The following EXT1 variants were observed in gnomAD, a reference collection of about 807,000 sequenced individuals.
EXT1 encodes the protein exostosin-1.
A neutral mutation model predicts 82.5 loss-of-function variants in EXT1; 20 were observed. That is an observed-to-expected ratio of 0.24 (90% confidence interval 0.17 to 0.35). The LOEUF is 0.35. Ranked by LOEUF, EXT1 falls within the 10% of genes least tolerant of loss-of-function variation. The pLI is 1.00. For missense variants in EXT1, 757 were observed against 936.5 expected, an observed-to-expected ratio of 0.81 and a Z score of 2.50; for synonymous variants, 348 against 350.8, an observed-to-expected ratio of 0.99 and a Z score of 0.09.
intron 1 of EXT1, among the ~76,000 whole-genome samples, chr8:117,978,803 A>G (rs76509193): frequency 0.051 from 7,695 of 152,318 alleles, 414 homozygotes; most frequent in African/African-American, 0.14. Flanking sequence ...TCCAGAAATA[A>G]AGTTAACAAC....
chr8:117,882,980 G>GAAAAAAAAAAAAAA (rs1320976687), intron 1 of EXT1, among the ~76,000 whole-genome samples: 1 of 65,854 alleles, frequency 1.5e-5, no homozygotes, highest in Non-Finnish European at 3.5e-5. Context: ...CTGTCTCAAA[G>GAAAAAAAAAAAAAA]AAAAAAAAAA....
chr8:117,809,496 G>C (rs1457742563), intron 8 of EXT1, among the ~76,000 whole-genome samples: 1 of 151,638 alleles, frequency 6.6e-6, no homozygotes, highest in Non-Finnish European at 1.5e-5. Context: ...AATTGGCTGG[G>C]CGTGGTGTTG....
intron 1 of EXT1, among the ~76,000 whole-genome samples, chr8:117,989,014 C>T (rs147847868): frequency 2.1e-5 from 3 of 146,020 alleles, no homozygotes; most frequent in African/African-American, 7.7e-5. Flanking sequence ...ATCAATGGGG[C>T]CAGGAGTTTG....
intron 1 of EXT1, among the ~76,000 whole-genome samples, chr8:118,082,007 T>C (rs1817342091): frequency 6.6e-6 from 1 of 152,182 alleles, no homozygotes; most frequent in Non-Finnish European, 1.5e-5. Context: ...GGGGAGTTCT[T>C]GTAAAAGAGG....
chr8:118,065,597 G>A (rs189496121), intron 1 of EXT1, among the ~76,000 whole-genome samples: 3 of 152,254 alleles, frequency 2.0e-5, no homozygotes, highest in African/African-American at 4.8e-5. Context: ...TAAGAATCTG[G>A]TATGTGTTGT....
intron 1 of EXT1, among the ~76,000 whole-genome samples, chr8:117,975,267 T>C (rs987538859): frequency 6.6e-6 from 1 of 152,184 alleles, no homozygotes; most frequent in Non-Finnish European, 1.5e-5. Context: ...AGCTATAAAG[T>C]ATCAAGAGTG....
intron 1 of EXT1, among the ~76,000 whole-genome samples, chr8:118,056,496 CT>C (rs1816796332): frequency 2.0e-5 from 3 of 152,172 alleles, no homozygotes; most frequent in African/African-American, 4.8e-5. Context: ...TACATTGCAT[CT>C]TACCACTTAC....
intron 1 of EXT1, among the ~76,000 whole-genome samples, chr8:117,943,111 T>C (rs1814320181): frequency 6.6e-6 from 1 of 152,224 alleles, no homozygotes; most frequent in South Asian, 2.1e-4. Flanking sequence ...CCCTAAGAAG[T>C]TTAGCCAGAA....
chr8:117,873,135 C>G (rs756441475), intron 1 of EXT1, among the ~76,000 whole-genome samples: 9 of 152,126 alleles, frequency 5.9e-5, no homozygotes, highest in Admixed American at 1.3e-4. Flanking sequence ...CATGAGAATA[C>G]GATGACAAGC....
intron 1 of EXT1, among the ~76,000 whole-genome samples, chr8:117,986,681 C>G (rs1246047910): frequency 6.6e-6 from 1 of 152,124 alleles, no homozygotes; most frequent in African/African-American, 2.4e-5. Flanking sequence ...TACATTGGTG[C>G]TAGGCTCATT....
chr8:117,942,675 C>A (rs953746830), intron 1 of EXT1, among the ~76,000 whole-genome samples: 1 of 152,138 alleles, frequency 6.6e-6, no homozygotes, highest in Non-Finnish European at 1.5e-5. Flanking sequence ...CATGCCATTG[C>A]ACTCCAGTCT....
chr8:117,952,497 G>A (rs1004144028), intron 1 of EXT1, among the ~76,000 whole-genome samples: 14 of 152,222 alleles, frequency 9.2e-5, no homozygotes, highest in African/African-American at 2.7e-4. Context: ...ACCAGGCGCA[G>A]TGTCTCACAC....
intron 1 of EXT1, among the ~76,000 whole-genome samples, chr8:117,949,303 T>C (rs1156593783): frequency 6.6e-6 from 1 of 152,100 alleles, no homozygotes; most frequent in East Asian, 1.9e-4. Flanking sequence ...TTAGTTTGAA[T>C]ACCAAATATT....
chr8:118,009,532 G>T (rs1407578909), intron 1 of EXT1, among the ~76,000 whole-genome samples: 1 of 152,188 alleles, frequency 6.6e-6, no homozygotes, highest in Non-Finnish European at 1.5e-5. Context: ...CCAACACTGG[G>T]TCTGCAGCAG....
intron 1 of EXT1, among the ~76,000 whole-genome samples, chr8:117,925,322 T>G (rs939191938): frequency 6.7e-6 from 1 of 148,692 alleles, no homozygotes; most frequent in Non-Finnish European, 1.5e-5. Context: ...GGCACACACA[T>G]AATTGTTGAA....
chr8:117,840,575 G>A (rs1241278955), intron 1 of EXT1, among the ~76,000 whole-genome samples: 1 of 150,124 alleles, frequency 6.7e-6, no homozygotes, highest in African/African-American at 2.5e-5. Flanking sequence ...TAGTGCCATT[G>A]TACTCCAGCC....
chr8:118,041,688 A>AGGAG (rs1285352738), intron 1 of EXT1, among the ~76,000 whole-genome samples: 1 of 150,676 alleles, frequency 6.6e-6, no homozygotes, highest in African/African-American at 2.4e-5. Context: ...GAAGGAAGGA[A>AGGAG]GGAAGGAAGG....
Position 117,968,638 on chromosome 8 carries a change from C to T in EXT1, c.963-131437G>A, listed in dbSNP as rs1292061362. On this transcript the variant is annotated intron_variant, in intron 1 of 10. Coordinates refer to ENST00000378204, the MANE Select transcript of EXT1 (RefSeq NM_000127.3). ...AGGCTGGAGTGCAGTGGCTTGATCTCGGCTCACTGCAAGCTCCACCTCCCG... is the reference window on the plus strand; with the variant it reads ...AGGCTGGAGTGCAGTGGCTTGATCTTGGCTCACTGCAAGCTCCACCTCCCG... Among the ~76,000 whole-genome samples, 2 of 77,386 alleles carry T rather than the reference C, an allele frequency of 2.6e-5. 1 individual carries two copies. The highest frequency in any genetic ancestry group is 2.3e-4 in the African/African-American group (2 of 8,726). The allele number at this position is 77,386 out of a possible 152,430, so 50.8% of individuals were successfully genotyped here.
chr8:118,078,813 G>GA (rs1351066622), intron 1 of EXT1, among the ~76,000 whole-genome samples: 2 of 150,696 alleles, frequency 1.3e-5, no homozygotes, highest in Non-Finnish European at 1.5e-5. Context: ...CATATGCAAA[G>GA]AAAAAAAAAG....
Sources: gnomAD v4.1 joint callset for allele counts (sites outside exome capture counted in the v4.1 genomes callset) on GRCh38, gnomAD v4.1.1 for gene constraint, MANE v1.5 for transcripts, NCBI Gene and HGNC (gene_info 2026-07-23, HGNC 2026-07-21) for gene names.